ASTN1: variants seen among roughly 807,000 people sequenced by gnomAD.
ASTN1 encodes the protein astrotactin-1.
ASTN1 carries 41 observed loss-of-function variants against 140.7 expected under a neutral mutation model. That is an observed-to-expected ratio of 0.29 (90% confidence interval 0.23 to 0.38). ASTN1 has a LOEUF of 0.38. Among genes scored for constraint, ASTN1 ranks in the 10% least tolerant of loss-of-function variants. ASTN1 has a pLI of 1.00. For synonymous variants in ASTN1, 640 were observed against 652.2 expected, an observed-to-expected ratio of 0.98 and a Z score of 0.29; for missense variants, 1,479 against 1,678.8, an observed-to-expected ratio of 0.88 and a Z score of 2.08.
chr1:176,863,548 T>G lies in ASTN1; in HGVS notation c.*736A>C, dbSNP rs1018202500. 5.1e-6 allele frequency: 5 copies of G among 985,298 alleles called. No individual in the cohort carries two copies. The African/African-American group carries it at 8.7e-5, about 17-fold the overall frequency. 61.0% of individuals were successfully genotyped at this position (985,298 alleles called of 1,614,324 possible). A position where few individuals can be genotyped will look rare whatever the true frequency, so the allele number is the denominator to read the frequency against. ...GAAGGTGCAGTTGACAGATGGCATC[T>G]TGTTCCCTCTCAAAGATCATGTTGT... is the stretch of plus-strand genomic sequence containing the variant. On this transcript the variant is annotated 3_prime_UTR_variant, in exon 23 of 23. Coordinates refer to ENST00000361833, the MANE Select transcript of ASTN1 (RefSeq NM_004319.3).
At chr1:177,130,171 T>C (rs1322669873) in intron 1 of ASTN1, among the ~76,000 whole-genome samples, 2 of 152,158 alleles carry the variant, frequency 1.3e-5, no homozygotes, top group African/African-American at 4.8e-5. Flanking sequence ...ACATTTTCTT[T>C]TACTATTATT....
chr1:177,081,328 A>C (rs1679170230), intron 1 of ASTN1, among the ~76,000 whole-genome samples: 1 of 152,230 alleles, frequency 6.6e-6, no homozygotes. Context: ...CAATTACTAA[A>C]GATTACAAAT....
intron 16 of ASTN1, among the ~76,000 whole-genome samples, chr1:176,928,260 T>C (rs1207674533): frequency 6.6e-6 from 1 of 152,174 alleles, no homozygotes; most frequent in Admixed American, 6.5e-5. Context: ...AGTGGTTGCC[T>C]GATTGCCTCT....
Position 176,863,697 on chromosome 1 carries a change from G to A in ASTN1, c.*587C>T, listed in dbSNP as rs1318496797. 1.1e-5 allele frequency: 11 copies of A among 985,692 alleles called. No homozygotes were observed. Among genetic ancestry groups the A allele is most frequent in the East Asian group, 1.1e-4 (1 of 8,824 alleles). The allele number at this position is 985,692 out of a possible 1,614,324, so 61.1% of individuals were successfully genotyped here. A position where few individuals can be genotyped will look rare whatever the true frequency, so the allele number is the denominator to read the frequency against. On this transcript the variant is annotated 3_prime_UTR_variant, in exon 23 of 23. Transcript: ENST00000361833. The stretch of plus-strand genomic sequence containing the variant: ...ATAATGAAAGCTGGTTTCACCTTTC[G>A]GGTATGGAAATAGTGATAGCAAGGC...
At position 177,006,080 on chromosome 1, in the gene ASTN1, T is replaced by C. The variant is rs764667295; in HGVS notation, c.1523+8711A>G. Among the ~76,000 whole-genome samples, 58 of 152,238 alleles carry C rather than the reference T, an allele frequency of 3.8e-4. 1 individual carries two copies. The highest frequency in any genetic ancestry group is 5.4e-4 in the Non-Finnish European group (37 of 68,046). On this transcript the variant is annotated intron_variant, in intron 8 of 22. Transcript: ENST00000361833. Reference sequence around the variant, plus strand: ...ATGTTTATATTAAAGGAGTTTCACCTGAATGCTAGGCCCTGGGCTGCTGTC... The same window carrying C: ...ATGTTTATATTAAAGGAGTTTCACCCGAATGCTAGGCCCTGGGCTGCTGTC...
chr1:176,981,510 T>C (rs1673619953), intron 8 of ASTN1: 1 of 152,142 alleles, frequency 6.6e-6, no homozygotes. Context: ...GGTGTCCTTT[T>C]AAGAGGATGG....
chr1:176,989,500 A>G (rs1674061575), intron 8 of ASTN1, among the ~76,000 whole-genome samples: 1 of 152,190 alleles, frequency 6.6e-6, no homozygotes. Context: ...TCGTATCCCT[A>G]GAAAAACAAA....
intron 13 of ASTN1, among the ~76,000 whole-genome samples, chr1:176,945,371 T>C (rs1246242040): frequency 6.6e-6 from 1 of 152,240 alleles, no homozygotes; most frequent in African/African-American, 2.4e-5. Flanking sequence ...ACATATTTTA[T>C]AAAACATGAG....
intron 7 of ASTN1, among the ~76,000 whole-genome samples, chr1:177,023,050 AT>A (rs1264043664): frequency 6.6e-6 from 1 of 152,210 alleles, no homozygotes; most frequent in East Asian, 1.9e-4. Context: ...AACTTTTCTA[AT>A]TTTTAAAAAG....
chr1:176,919,843 T>G (rs1160081301), intron 16 of ASTN1, among the ~76,000 whole-genome samples: 1 of 152,186 alleles, frequency 6.6e-6, no homozygotes, highest in Non-Finnish European at 1.5e-5. Flanking sequence ...TAAACCTGAC[T>G]GAAGAAAAAC....
At chr1:176,947,220 A>T (rs1349612043) in intron 12 of ASTN1, among the ~76,000 whole-genome samples, 1 of 152,222 alleles carries the variant, frequency 6.6e-6, no homozygotes, top group African/African-American at 2.4e-5. Context: ...TAGCTGCTTC[A>T]CTGGGTTGTT....
At chr1:176,991,731 G>C (rs1674186790) in intron 8 of ASTN1, among the ~76,000 whole-genome samples, 1 of 152,180 alleles carries the variant, frequency 6.6e-6, no homozygotes, top group Admixed American at 6.5e-5. Flanking sequence ...AGGTTTCAGA[G>C]ACTGACTATC....
rs972383038 is a variant in ASTN1, at chr1:176,862,655, G to A, written c.*1629C>T. Reference sequence around the variant, plus strand: ...CTCAGTGTGAGTTACAGTGCACAAGGGATTTGAGGCAAGTTGTATAACCTC... The same window carrying A: ...CTCAGTGTGAGTTACAGTGCACAAGAGATTTGAGGCAAGTTGTATAACCTC... On this transcript the variant is annotated 3_prime_UTR_variant, in exon 23 of 23. Coordinates refer to ENST00000361833, the MANE Select transcript of ASTN1 (RefSeq NM_004319.3). The A allele has an allele frequency of 3.2e-6, 3 of 940,886 alleles. No individual in the cohort carries two copies. The highest frequency in any genetic ancestry group is 3.8e-6 in the Non-Finnish European group (3 of 789,694). The allele number at this position is 940,886 out of a possible 1,614,324, so 58.3% of individuals were successfully genotyped here.
intron 1 of ASTN1, among the ~76,000 whole-genome samples, chr1:177,140,890 A>C (rs2102223328): frequency 6.6e-6 from 1 of 152,204 alleles, no homozygotes; most frequent in South Asian, 2.1e-4. Context: ...GAAACTATTT[A>C]CCTTATGAAG....
intron 16 of ASTN1, among the ~76,000 whole-genome samples, chr1:176,924,011 T>C (rs1157484826): frequency 6.6e-6 from 1 of 152,222 alleles, no homozygotes; most frequent in African/African-American, 2.4e-5. Context: ...ATATGTCTTA[T>C]ACTATTTAGC....
downstream of ASTN1, among the ~76,000 whole-genome samples, chr1:176,860,521 C>T (rs1667929184): frequency 6.6e-6 from 1 of 152,130 alleles, no homozygotes; most frequent in South Asian, 2.1e-4. Context: ...TTTGGGCTAC[C>T]CACCATGAAG....
At chr1:177,120,139 T>A (rs1390487519) in intron 1 of ASTN1, among the ~76,000 whole-genome samples, 1 of 152,158 alleles carries the variant, frequency 6.6e-6, no homozygotes, top group African/African-American at 2.4e-5. Context: ...GCAGTGGAGC[T>A]CCTATAGCTG....
intron 8 of ASTN1, among the ~76,000 whole-genome samples, chr1:176,979,124 C>T (rs1345927270): frequency 6.6e-6 from 1 of 152,150 alleles, no homozygotes; most frequent in Non-Finnish European, 1.5e-5. Context: ...GGGAGCCTCT[C>T]TGAGAAAGTA....
At chr1:177,017,494 C>T (rs914124088) in intron 7 of ASTN1, among the ~76,000 whole-genome samples, 5 of 152,188 alleles carry the variant, frequency 3.3e-5, no homozygotes, top group South Asian at 2.1e-4. Flanking sequence ...AGAGGGGTTT[C>T]GTGAAAGCAC....
Sources: gnomAD v4.1 joint callset for allele counts (sites outside exome capture counted in the v4.1 genomes callset) on GRCh38, gnomAD v4.1.1 for gene constraint, MANE v1.5 for transcripts, NCBI Gene and HGNC (gene_info 2026-07-23, HGNC 2026-07-21) for gene names.